The following ADAMTS3 variants were observed in gnomAD, a reference collection of about 807,000 sequenced individuals.
The protein encoded by ADAMTS3 is A disintegrin and metalloproteinase with thrombospondin motifs 3.
A neutral mutation model predicts 129.0 loss-of-function variants in ADAMTS3; 73 were observed. That is an observed-to-expected ratio of 0.57 (90% confidence interval 0.47 to 0.69). The LOEUF (loss-of-function observed/expected upper bound fraction) is 0.69. Ranked by LOEUF, ADAMTS3 falls within the 30% of genes least tolerant of loss-of-function variation. The pLI is 0.00. For missense variants in ADAMTS3, 1,457 were observed against 1,514.5 expected (o/e 0.96, Z 0.63); for synonymous variants, 477 against 510.8 (o/e 0.93, Z 0.89).
intron 3 of ADAMTS3, among the ~76,000 whole-genome samples, chr4:72,527,738 G>A (rs1248517721): frequency 6.6e-6 from 1 of 152,110 alleles, no homozygotes; most frequent in Non-Finnish European, 1.5e-5. Flanking sequence ...GAACCCTCCT[G>A]ACATTCCATT....
chr4:72,476,485 C>T (rs1719236493), intron 3 of ADAMTS3, among the ~76,000 whole-genome samples: 1 of 151,858 alleles, frequency 6.6e-6, no homozygotes, highest in Non-Finnish European at 1.5e-5. Flanking sequence ...TAAAAAATCC[C>T]AAAAAAGGAA....
At chr4:72,532,493 A>ACG (rs1721069625) in intron 3 of ADAMTS3, among the ~76,000 whole-genome samples, 2 of 48,670 alleles carry the variant, frequency 4.1e-5, no homozygotes, top group East Asian at 7.3e-4. Context: ...TTTAATATGC[A>ACG]CACACACACA....
intron 3 of ADAMTS3, among the ~76,000 whole-genome samples, chr4:72,415,399 A>G (rs888285380): frequency 1.3e-5 from 2 of 152,014 alleles, no homozygotes; most frequent in Admixed American, 6.6e-5. Flanking sequence ...ATACATTTTT[A>G]CTTATTTACA....
chr4:72,500,152 C>T (rs1002478404), intron 3 of ADAMTS3, among the ~76,000 whole-genome samples: 1 of 152,044 alleles, frequency 6.6e-6, no homozygotes, highest in Non-Finnish European at 1.5e-5. Context: ...AGTAATGAGA[C>T]TGCTGGGTTG....
At chr4:72,516,461 A>C (rs370969419) in intron 3 of ADAMTS3, among the ~76,000 whole-genome samples, 1 of 152,002 alleles carries the variant, frequency 6.6e-6, no homozygotes, top group Non-Finnish European at 1.5e-5. Context: ...ATTCTTCCTA[A>C]CCATGAGCAT....
chr4:72,417,607 T>G (rs925635651), intron 3 of ADAMTS3, among the ~76,000 whole-genome samples: 1 of 152,062 alleles, frequency 6.6e-6, no homozygotes. Context: ...CCCTTTTATT[T>G]ATTAATTTAA....
At chr4:72,324,709 C>G (rs1719656658) in intron 5 of ADAMTS3, among the ~76,000 whole-genome samples, 1 of 152,116 alleles carries the variant, frequency 6.6e-6, no homozygotes. Flanking sequence ...GCAGATAGCT[C>G]ATGCACAAGT....
intron 15 of ADAMTS3, among the ~76,000 whole-genome samples, chr4:72,308,577 C>G (rs542595387): frequency 6.6e-6 from 1 of 151,920 alleles, no homozygotes; most frequent in African/African-American, 2.4e-5. Flanking sequence ...TCTTTAAGTG[C>G]TGAATTCCCA....
intron 5 of ADAMTS3, among the ~76,000 whole-genome samples, chr4:72,333,210 A>T (rs1414392861): frequency 6.6e-6 from 1 of 152,244 alleles, no homozygotes; most frequent in African/African-American, 2.4e-5. Flanking sequence ...CACTATTAAC[A>T]TTAAATCTTC....
intron 3 of ADAMTS3, among the ~76,000 whole-genome samples, chr4:72,428,506 A>T (rs1467871387): frequency 6.6e-5 from 10 of 152,220 alleles, no homozygotes; most frequent in African/African-American, 1.9e-4. Flanking sequence ...AAACAATTTT[A>T]TTAACCTAGT....
chr4:72,386,992 C>A (rs1721465008), intron 4 of ADAMTS3, among the ~76,000 whole-genome samples: 1 of 152,130 alleles, frequency 6.6e-6, no homozygotes, highest in South Asian at 2.1e-4. Flanking sequence ...ATGCTCTTTT[C>A]AATAGCTAAG....
At position 72,313,757 on chromosome 4, in the gene ADAMTS3, C is replaced by G; in HGVS notation, c.1665G>C (p.Gly555=). 5.6e-6 allele frequency: 9 copies of G among 1,613,844 alleles called. No individual in the cohort carries two copies. The highest frequency in any genetic ancestry group is 7.6e-6 in the Non-Finnish European group (9 of 1,179,854). ...AACAGGAGCCAAATTTAGTCCATGA[C>G]CCCCAATTGCCATCTTGTTTTTGCT... The part of the protein sequence containing the change: ...ANQQKQDGNW[G]SWTKFGSCSR... The change falls in exon 12 of 22, where the codon GGG becomes GGC. Residue 555 remains glycine, a synonymous_variant. Transcript: ENST00000286657.
intron 3 of ADAMTS3, among the ~76,000 whole-genome samples, chr4:72,520,710 G>A (rs1031319726): frequency 1.3e-5 from 2 of 152,186 alleles, no homozygotes; most frequent in Non-Finnish European, 2.9e-5. Flanking sequence ...CAGTATTCGG[G>A]TGGGATTGAC....
At chr4:72,308,514 C>A (rs577900362) in intron 15 of ADAMTS3, among the ~76,000 whole-genome samples, 3 of 151,876 alleles carry the variant, frequency 2.0e-5, no homozygotes, top group Admixed American at 2.0e-4. Context: ...AAGATACCAA[C>A]GGCTCTTTGG....
intron 3 of ADAMTS3, among the ~76,000 whole-genome samples, chr4:72,473,493 C>A (rs1719137118): frequency 1.3e-5 from 2 of 150,970 alleles, no homozygotes; most frequent in Non-Finnish European, 1.5e-5. Flanking sequence ...AGGAAATGGC[C>A]AGCCTATGAG....
chr4:72,361,485 C>T (rs1720726179), intron 4 of ADAMTS3, among the ~76,000 whole-genome samples: 1 of 152,186 alleles, frequency 6.6e-6, no homozygotes, highest in Non-Finnish European at 1.5e-5. Flanking sequence ...CTTCTGGTAA[C>T]AAGATCTTTA....
chr4:72,496,705 T>G (rs921160296), intron 3 of ADAMTS3, among the ~76,000 whole-genome samples: 7 of 152,050 alleles, frequency 4.6e-5, no homozygotes, highest in African/African-American at 1.7e-4. Flanking sequence ...GTAAACATAG[T>G]AAGGAAGGCT....
intron 3 of ADAMTS3, among the ~76,000 whole-genome samples, chr4:72,477,981 G>T (rs1719292223): frequency 6.6e-6 from 1 of 152,072 alleles, no homozygotes; most frequent in Non-Finnish European, 1.5e-5. Flanking sequence ...ACCCTCCCAA[G>T]ACTAAACCAG....
intron 3 of ADAMTS3, among the ~76,000 whole-genome samples, chr4:72,543,951 C>T (rs700513): frequency 0.66 from 99,650 of 151,774 alleles, 33,334 homozygotes; most frequent in African/African-American, 0.8. Context: ...TCTCAAAACT[C>T]GTCAGGCTAA....
Sources: gnomAD v4.1 joint callset for allele counts (sites outside exome capture counted in the v4.1 genomes callset) on GRCh38, gnomAD v4.1.1 for gene constraint, MANE v1.5 for transcripts, NCBI Gene and HGNC (gene_info 2026-07-23, HGNC 2026-07-21) for gene names.